Variants in SEZ6L observed in about 807,000 individuals in gnomAD.
SEZ6L encodes seizure 6-like protein.
In SEZ6L, 37 loss-of-function variants were observed where a neutral mutation model predicts 106.2. The observed-to-expected ratio is 0.35, with a 90% confidence interval of 0.27 to 0.46. SEZ6L has a LOEUF of 0.46. Ranked by LOEUF, SEZ6L falls within the 20% of genes least tolerant of loss-of-function variation. The probability of loss-of-function intolerance (pLI) is 1.00; values close to 1 mark genes in which losing one functional copy is unlikely to be tolerated. For missense variants in SEZ6L, 1,172 were observed against 1,332.8 expected (o/e 0.88, Z 1.88); for synonymous variants, 541 against 570.4 (o/e 0.95, Z 0.73).
At chr22:26,202,534 C>T (rs1201042838) in intron 1 of SEZ6L, among the ~76,000 whole-genome samples, 1 of 152,244 alleles carries the variant, frequency 6.6e-6, no homozygotes, top group Admixed American at 6.5e-5. Context: ...CCCCAAAACT[C>T]TCCCTTGAGG....
chr22:26,367,054 C>G (rs763898969), intron 13 of SEZ6L, among the ~76,000 whole-genome samples: 1 of 152,144 alleles, frequency 6.6e-6, no homozygotes, highest in South Asian at 2.1e-4. Context: ...TACATACATA[C>G]ATAGCTCCTG....
intron 1 of SEZ6L, among the ~76,000 whole-genome samples, chr22:26,246,860 C>T (rs2079369314): frequency 6.6e-6 from 1 of 152,186 alleles, no homozygotes; most frequent in African/African-American, 2.4e-5. Context: ...TCCAACCCAT[C>T]TTCTAATGCA....
chr22:26,253,214 C>T (rs1461636309), intron 1 of SEZ6L, among the ~76,000 whole-genome samples: 1 of 152,172 alleles, frequency 6.6e-6, no homozygotes, highest in Admixed American at 6.5e-5. Flanking sequence ...GGTCTTCCTG[C>T]TCCTAGGCCT....
At chr22:26,223,078 T>C (rs893599874) in intron 1 of SEZ6L, among the ~76,000 whole-genome samples, 2 of 152,202 alleles carry the variant, frequency 1.3e-5, no homozygotes, top group Non-Finnish European at 2.9e-5. Flanking sequence ...ACTTTTGTTG[T>C]GACATCTTTG....
chr22:26,262,726 A>G (rs142522073), intron 1 of SEZ6L, among the ~76,000 whole-genome samples: 2 of 152,302 alleles, frequency 1.3e-5, no homozygotes, highest in African/African-American at 4.8e-5. Flanking sequence ...GAGAAGGAGG[A>G]CCAGCATGTG....
chr22:26,360,666 A>G (rs1156897032), intron 12 of SEZ6L, among the ~76,000 whole-genome samples: 1 of 152,104 alleles, frequency 6.6e-6, no homozygotes, highest in Non-Finnish European at 1.5e-5. Context: ...CATCAAGAAA[A>G]AGCCTCCCCG....
At chr22:26,183,479 C>G (rs1289739719) in intron 1 of SEZ6L, among the ~76,000 whole-genome samples, 1 of 152,152 alleles carries the variant, frequency 6.6e-6, no homozygotes, top group Admixed American at 6.5e-5. Context: ...CTCCCTATAG[C>G]CCTAGTTGCT....
chr22:26,223,612 A>G (rs1262328190), intron 1 of SEZ6L, among the ~76,000 whole-genome samples: 1 of 147,886 alleles, frequency 6.8e-6, no homozygotes, highest in East Asian at 1.9e-4. Flanking sequence ...TGAGAAAAAA[A>G]AATCCCTTCA....
At chr22:26,169,814 C>A in intron 1 of SEZ6L, 51 bp downstream of exon 1, 1 of 984,370 alleles carries the variant, frequency 1.0e-6, no homozygotes. Flanking sequence ...GCCGGGAGAG[C>A]GGGGCAGCCA....
chr22:26,284,430 A>T (rs34030876), intron 1 of SEZ6L, among the ~76,000 whole-genome samples: 22,598 of 152,040 alleles, frequency 0.15, 1,934 homozygotes, highest in Non-Finnish European at 0.2. Flanking sequence ...AACATGGTAC[A>T]ACCCTGTCTC....
intron 9 of SEZ6L, among the ~76,000 whole-genome samples, chr22:26,320,411 G>A (rs1024528559): frequency 2.0e-5 from 3 of 152,250 alleles, no homozygotes; most frequent in African/African-American, 7.2e-5. Context: ...ACTTGCGTTA[G>A]GACAAGCAGC....
chr22:26,295,120 A>G (rs918094918), intron 3 of SEZ6L, among the ~76,000 whole-genome samples: 1 of 152,194 alleles, frequency 6.6e-6, no homozygotes, highest in Non-Finnish European at 1.5e-5. Context: ...ACTTTGAACA[A>G]GGAACTTCAC....
At chr22:26,258,488 A>G (rs1366989922) in intron 1 of SEZ6L, among the ~76,000 whole-genome samples, 1 of 152,246 alleles carries the variant, frequency 6.6e-6, no homozygotes, top group Non-Finnish European at 1.5e-5. Flanking sequence ...GCATGAACCA[A>G]GGACAGAGAA....
At chr22:26,213,870 G>A (rs911581248) in intron 1 of SEZ6L, among the ~76,000 whole-genome samples, 8 of 152,100 alleles carry the variant, frequency 5.3e-5, no homozygotes, top group South Asian at 4.1e-4. Context: ...GCAGTGAACC[G>A]TGATCATGCC....
intron 1 of SEZ6L, among the ~76,000 whole-genome samples, chr22:26,273,738 G>A (rs182850806): frequency 1.1e-3 from 166 of 152,340 alleles, no homozygotes; most frequent in Middle Eastern, 3.4e-3. Context: ...TCAAAGTGGT[G>A]CTCCATACAG....
At chr22:26,253,173 GT>G (rs2079665960) in intron 1 of SEZ6L, among the ~76,000 whole-genome samples, 1 of 152,162 alleles carries the variant, frequency 6.6e-6, no homozygotes, top group African/African-American at 2.4e-5. Context: ...GAATCACAGT[GT>G]AAGCAAATTA....
At chr22:26,357,108 C>A (rs1405336382) in intron 12 of SEZ6L, among the ~76,000 whole-genome samples, 1 of 152,106 alleles carries the variant, frequency 6.6e-6, no homozygotes, top group Non-Finnish European at 1.5e-5. Context: ...CCCGCCACCA[C>A]GCCTGGCTAA....
intron 12 of SEZ6L, among the ~76,000 whole-genome samples, chr22:26,363,265 C>A (rs1410329936): frequency 1.3e-5 from 2 of 152,162 alleles, no homozygotes; most frequent in African/African-American, 4.8e-5. Context: ...CTGAGTAGAG[C>A]CCAAATGTAA....
chr22:26,232,321 TTAAG>T (rs2078822576), intron 1 of SEZ6L, among the ~76,000 whole-genome samples: 1 of 146,108 alleles, frequency 6.8e-6, no homozygotes, highest in South Asian at 2.2e-4. Context: ...CTGAAAGTCA[TTAAG>T]TCTCTCTCTC....
Sources: allele counts gnomAD v4.1 joint callset (sites outside exome capture counted in the v4.1 genomes callset), GRCh38; gene constraint gnomAD v4.1.1; transcripts MANE v1.5; gene names NCBI Gene and HGNC (gene_info 2026-07-23, HGNC 2026-07-21).